Variants in TEX14 observed in about 807,000 individuals in gnomAD.
TEX14 encodes the protein inactive serine/threonine-protein kinase TEX14.
In TEX14, 168 loss-of-function variants were observed where a neutral mutation model predicts 178.6. The observed-to-expected ratio is 0.94, with a 90% CI of 0.83 to 1.07. TEX14 has a LOEUF of 1.07. TEX14 is among the 50% of genes least tolerant of loss of function. The pLI, the probability that TEX14 is intolerant of heterozygous loss-of-function variation, is 0.00. For missense variants in TEX14, 1,730 were observed against 1,753.6 expected, an observed-to-expected ratio of 0.99 and a Z score of 0.24; for synonymous variants, 626 against 634.1, an observed-to-expected ratio of 0.99 and a Z score of 0.19.
intron 2 of TEX14, among the ~76,000 whole-genome samples, chr17:58,646,821 A>G (rs1230017404): frequency 6.6e-6 from 1 of 152,106 alleles, no homozygotes; most frequent in Non-Finnish European, 1.5e-5. Context: ...CCCAAAGGGC[A>G]CAGTCATAAT....
Position 58,587,674 on chromosome 17 carries a change from G to A in TEX14, c.2703-8C>T, listed in dbSNP as rs1486775313. On this transcript the variant is annotated splice_region_variant and splice_polypyrimidine_tract_variant and intron_variant, in intron 16 of 31. Coordinates refer to ENST00000349033, the MANE Select transcript of TEX14 (RefSeq NM_031272.5). Reference sequence around the variant, plus strand: ...ACAGGTTCCACACTCATCCTGAATTGCACGGGTTTTTTGGAGGTAGGGGGA... The same window carrying A: ...ACAGGTTCCACACTCATCCTGAATTACACGGGTTTTTTGGAGGTAGGGGGA... 1.3e-6 allele frequency: 2 copies of A among 1,594,084 alleles called. No homozygotes were observed. The highest frequency in any genetic ancestry group is 1.4e-5 in the African/African-American group (1 of 73,808).
Position 58,661,271 on chromosome 17 carries a change from T to A in TEX14, c.-1-9269A>T, listed in dbSNP as rs2047103761. 3.7e-6 allele frequency: 3 copies of A among 802,798 alleles called. No individual in the cohort carries two copies. The East Asian group carries it at 7.3e-5, about 19-fold the overall frequency. 49.7% of individuals were successfully genotyped at this position (802,798 alleles called of 1,614,324 possible). On this transcript the variant is annotated intron_variant, in intron 1 of 31. Coordinates refer to ENST00000349033, the MANE Select transcript of TEX14 (RefSeq NM_031272.5). ...GCACTGAGTTAAGTATTTTATAAAG[T>A]GTTCGCGAGCCTGCTGCAAATGATC...
chr17:58,574,314 G>T, intron 21 of TEX14, 65 bp from the exon 22 acceptor site: 2 of 1,271,590 alleles, frequency 1.6e-6, no homozygotes, highest in Non-Finnish European at 2.3e-6. Flanking sequence ...CTAACTACTT[G>T]CTACAAGGAA....
At position 58,621,712 on chromosome 17, in the gene TEX14, C is replaced by T. The variant is rs368711469; in HGVS notation, c.492G>A (p.Lys164=). The change falls in exon 5 of 32, where the codon AAG becomes AAA. Residue 164 remains lysine (K), a synonymous_variant. Transcript: ENST00000349033. ...CAAGCCGCTGCGGGGAGTCTATCTT[C>T]TTCAGGAGGTCGTAAGAGAAGCCCT... is the stretch of plus-strand genomic sequence containing the variant. ...IIQGFSYDLL[K]KIDSPQRLVY... The T allele has an allele frequency of 3.1e-6, 5 of 1,614,210 alleles. No homozygotes were observed. Among genetic ancestry groups the T allele is most frequent in the Non-Finnish European group, 4.2e-6 (5 of 1,180,024 alleles).
intron 18 of TEX14, among the ~76,000 whole-genome samples, chr17:58,585,359 T>C (rs751410848): frequency 1.6e-4 from 25 of 152,156 alleles, no homozygotes; most frequent in Non-Finnish European, 3.4e-4. Flanking sequence ...ATTCAAGGTT[T>C]CCAGAAAAGT....
intron 10 of TEX14, 29 bp from the exon 11 acceptor site, chr17:58,605,158 T>A: frequency 1.2e-6 from 2 of 1,608,204 alleles, no homozygotes. Context: ...AAGTCAGCGC[T>A]CATGCCTTAA....
At chr17:58,593,486 G>T in intron 15 of TEX14, 69 bp downstream of exon 15, 1 of 1,159,180 alleles carries the variant, frequency 8.6e-7, no homozygotes, top group South Asian at 1.2e-5. Context: ...GAAGATCACT[G>T]AGTGGCCTCA....
chr17:58,617,924 G>A (rs1260233442), intron 5 of TEX14, among the ~76,000 whole-genome samples: 4 of 152,316 alleles, frequency 2.6e-5, no homozygotes, highest in South Asian at 2.1e-4. Context: ...CTACCAAGGC[G>A]TCAGCCCTGA....
At chr17:58,688,247 A>G (rs979713032) in intron 1 of TEX14, among the ~76,000 whole-genome samples, 4 of 151,988 alleles carry the variant, frequency 2.6e-5, no homozygotes, top group Admixed American at 6.6e-5. Context: ...CAGCCTTCCA[A>G]ATAGCTGGGA....
In TEX14 at chr17:58,621,778, C is replaced by G. The variant is rs115251737; in HGVS notation, c.426G>C (p.Glu142Asp). The change falls in exon 5 of 32, where the codon GAG becomes GAC. Residue 142 changes from glutamate (E) to aspartate (D), a missense_variant. Physicochemically the swap from Glu to Asp is conservative, Grantham distance 45. Transcript: ENST00000349033. ...TGTGTGAGGCACAGCGCTGCATGAA[C>G]TCCACTATCTGCAAAACATCGCAGA... ...AGKERSTQIV[E>D]FMQRCASHMQ... 21 of 1,613,108 alleles carry G rather than the reference C, an allele frequency of 1.3e-5. No individual in the cohort carries two copies. The East Asian group carries it at 4.5e-4, about 34-fold the overall frequency.
chr17:58,629,104 CAAG>C (rs923962051), intron 3 of TEX14, among the ~76,000 whole-genome samples: 8 of 152,116 alleles, frequency 5.3e-5, no homozygotes, highest in South Asian at 2.1e-4. Context: ...CCTTCTCTGT[CAAG>C]AAGGTGTCAA....
chr17:58,611,216 G>C lies in TEX14; in HGVS notation c.1129C>G (p.His377Asp). The C allele has an allele frequency of 6.2e-7, 1 of 1,613,892 alleles. No individual in the cohort carries two copies. Among genetic ancestry groups the C allele is most frequent in the Non-Finnish European group, 8.5e-7 (1 of 1,179,826 alleles). Residue 377 changes from histidine to aspartate, a missense_variant, in exon 10 of 32, where the codon CAT (histidine) becomes GAT (aspartate). His to Asp is a moderately conservative substitution (Grantham distance 81). Coordinates refer to ENST00000349033, the MANE Select transcript of TEX14 (RefSeq NM_031272.5). ...IHRSLSSYAV[H>D]IISPGEARLT... is the part of the protein sequence containing the mutation. ...CTCGCTTCACCTGGGGAGATGATAT[G>C]GACAGCATAGGAGCTGAGGGAGCGG...
chr17:58,684,819 T>G (rs2143586004), intron 1 of TEX14, among the ~76,000 whole-genome samples: 1 of 150,524 alleles, frequency 6.6e-6, no homozygotes, highest in Non-Finnish European at 1.5e-5. Context: ...CACTAAAAAA[T>G]ACAAAAATTA....
intron 5 of TEX14, 73 bp from the exon 6 acceptor site, chr17:58,617,692 G>C: frequency 9.5e-7 from 1 of 1,051,524 alleles, no homozygotes; most frequent in Admixed American, 2.1e-5. Context: ...GCTGAACCAA[G>C]TTTTCAGAAG....
chr17:58,613,382 G>C (rs1304532713), intron 9 of TEX14, 39 bp downstream of exon 9: 3 of 1,612,612 alleles, frequency 1.9e-6, no homozygotes, highest in Non-Finnish European at 2.5e-6. Context: ...AAGAAACTGG[G>C]AGGTCAGCAA....
intron 11 of TEX14, among the ~76,000 whole-genome samples, chr17:58,603,886 ACTGTGTGTGTGT>A (rs2045537249): frequency 1.4e-5 from 1 of 73,364 alleles, no homozygotes. Flanking sequence ...ATGTGATTTT[ACTGTGTGTGTGT>A]GTGTGTGTGT....
chr17:58,556,770 C>A lies in TEX14; in HGVS notation c.*241G>T. ...AAACCAAAGCCATTCTAGGCACAACCAAAAATTTTTACTATCAAAACTACC... is the reference window on the plus strand; with the variant it reads ...AAACCAAAGCCATTCTAGGCACAACAAAAAATTTTTACTATCAAAACTACC... On this transcript the variant is annotated 3_prime_UTR_variant, in exon 32 of 32. Coordinates refer to ENST00000349033, the MANE Select transcript of TEX14 (RefSeq NM_031272.5). The A allele has an allele frequency of 4.4e-6, 2 of 457,924 alleles. No homozygotes were observed. The highest frequency in any genetic ancestry group is 7.7e-6 in the Non-Finnish European group (2 of 258,584). The allele number at this position is 457,924 out of a possible 1,614,324, so 28.4% of individuals were successfully genotyped here.
intron 1 of TEX14, among the ~76,000 whole-genome samples, chr17:58,663,994 C>T (rs536667366): frequency 2.0e-4 from 31 of 152,326 alleles, no homozygotes; most frequent in African/African-American, 7.2e-4. Flanking sequence ...TGTTGTGCCA[C>T]TGCACTCCAG....
At chr17:58,632,065 T>C (rs1036673442) in intron 2 of TEX14, among the ~76,000 whole-genome samples, 1 of 152,210 alleles carries the variant, frequency 6.6e-6, no homozygotes, top group African/African-American at 2.4e-5. Flanking sequence ...TGCAAATCAC[T>C]CAGAGCTCCT....
Sources: gnomAD v4.1 joint callset for allele counts (sites outside exome capture counted in the v4.1 genomes callset) on GRCh38, gnomAD v4.1.1 for gene constraint, MANE v1.5 for transcripts, NCBI Gene and HGNC (gene_info 2026-07-23, HGNC 2026-07-21) for gene names.